The following NCAPD3 variants were observed in gnomAD, a reference collection of about 807,000 sequenced individuals.
The protein encoded by NCAPD3 is non-SMC condensin II complex subunit D3.
A neutral mutation model predicts 182.9 loss-of-function variants in NCAPD3; 105 were observed. The ratio of observed to expected loss-of-function variants is 0.57; its 90% CI spans 0.49 to 0.68. The LOEUF (loss-of-function observed/expected upper bound fraction) is 0.68. Ranked by LOEUF, NCAPD3 falls within the 30% of genes least tolerant of loss-of-function variation. The pLI is 0.00. For missense variants in NCAPD3, 1,944 were observed against 1,837.0 expected, an observed-to-expected ratio of 1.06 and a Z score of -1.07; for synonymous variants, 815 against 679.9, an observed-to-expected ratio of 1.20 and a Z score of -3.09.
intron 19 of NCAPD3, chr11:134,183,014 T>C: frequency 2.2e-6 from 1 of 444,818 alleles, no homozygotes; most frequent in Non-Finnish European, 4.5e-6. Flanking sequence ...GTGTCTAACC[T>C]GAAGACAGTT....
At position 134,210,321 on chromosome 11, in the gene NCAPD3, G is replaced by A. The variant is rs1937786764; in HGVS notation, c.516C>T (p.Asn172=). The change falls in exon 4 of 35, where the codon AAC becomes AAT. Residue 172 remains asparagine (N), a synonymous_variant. Transcript: ENST00000534548. Reference sequence around the variant, plus strand: ...TTCCCCTTTTTCTATGCCTCCCGGGGTTAGCCTGAGAGCTCTTAGGCTGTT... The same window carrying A: ...TTCCCCTTTTTCTATGCCTCCCGGGATTAGCCTGAGAGCTCTTAGGCTGTT... ...KKEQPKSSQA[N]PGRHRKRGKP... The A allele has an allele frequency of 6.2e-7, 1 of 1,613,952 alleles. No individual in the cohort carries two copies. The highest frequency in any genetic ancestry group is 8.5e-7 in the Non-Finnish European group (1 of 1,180,018).
chr11:134,175,378 A>G (rs1944137174), intron 24 of NCAPD3, among the ~76,000 whole-genome samples: 1 of 152,248 alleles, frequency 6.6e-6, no homozygotes, highest in African/African-American at 2.4e-5. Context: ...CTATCTAAAA[A>G]AAGGTGACAG....
upstream of NCAPD3, chr11:134,224,033 A>C (rs1938353840): frequency 3.0e-6 from 4 of 1,347,244 alleles, no homozygotes; most frequent in Non-Finnish European, 4.1e-6. Context: ...AGAATTTCCC[A>C]CTGGCCAACC....
At position 134,185,360 on chromosome 11, in the gene NCAPD3, T is replaced by G; in HGVS notation, c.2212A>C (p.Ile738Leu). Residue 738 changes from isoleucine (I) to leucine (L), a missense_variant, in exon 17 of 35, where the codon ATA becomes CTA. This residue lies in a region of NCAPD3 where 1,803 missense variants were observed against 1,674.6 expected (regional missense o/e 1.08). Coordinates refer to ENST00000534548, the MANE Select transcript of NCAPD3 (RefSeq NM_015261.3). Reference protein sequence around the residue: ...SSPRLDYSRIIQSWEKISSQQ... With the variant: ...SSPRLDYSRILQSWEKISSQQ... The stretch of plus-strand genomic sequence containing the variant: ...CTGCTGATTTTCTCCCAAGATTGTA[T>G]TATTCTGCTGTAGTCCAGCCTGGGT... 2 of 1,609,278 alleles carry G rather than the reference T, an allele frequency of 1.2e-6. No homozygotes were observed. Among genetic ancestry groups the G allele is most frequent in the Non-Finnish European group, 1.7e-6 (2 of 1,178,546 alleles).
intron 29 of NCAPD3, 146 bp from the exon 30 acceptor site, chr11:134,158,641 C>G (rs1383709720): frequency 1.0e-5 from 8 of 790,734 alleles, no homozygotes; most frequent in Non-Finnish European, 5.9e-6. Flanking sequence ...TAATTGGCAT[C>G]TCCATCACCT....
At chr11:134,167,218 G>A (rs1591828943) in intron 27 of NCAPD3, among the ~76,000 whole-genome samples, 1 of 127,124 alleles carries the variant, frequency 7.9e-6, no homozygotes, top group Admixed American at 8.3e-5. Context: ...CAGCACACTC[G>A]TGAGATGAGC....
intron 25 of NCAPD3, among the ~76,000 whole-genome samples, 154 bp downstream of exon 25, chr11:134,168,763 C>G (rs576227821): frequency 8.5e-5 from 13 of 152,284 alleles, no homozygotes; most frequent in Admixed American, 2.0e-4. Flanking sequence ...AAGCGATTCT[C>G]ACGACTGTAT....
At position 134,150,522 on chromosome 11, in the gene NCAPD3, G is replaced by C. The variant is rs1363529442; in HGVS notation, c.*2422C>G. 2 of 152,246 alleles carry C rather than the reference G, an allele frequency of 1.3e-5. No homozygotes were observed. Among genetic ancestry groups the C allele is most frequent in the African/African-American group, 2.4e-5 (1 of 41,466 alleles). The allele number at this position is 152,246 out of a possible 1,614,324, so 9.4% of individuals were successfully genotyped here. ...CGTGGCCCTTGCTTCATCCAGCACA[G>C]CTCTCAGGTGGGCACTGCAGGGACA... On this transcript the variant is annotated 3_prime_UTR_variant, in exon 35 of 35. Transcript: ENST00000534548.
At chr11:134,212,064 C>CA (rs1937853348) in intron 3 of NCAPD3, among the ~76,000 whole-genome samples, 1 of 151,008 alleles carries the variant, frequency 6.6e-6, no homozygotes, top group East Asian at 1.9e-4. Context: ...CACCAAAAAG[C>CA]AAAAAAAAGT....
intron 29 of NCAPD3, among the ~76,000 whole-genome samples, chr11:134,158,708 G>T (rs548293918): frequency 1.4e-4 from 22 of 152,148 alleles, no homozygotes; most frequent in African/African-American, 5.3e-4. Flanking sequence ...TATGTACTTT[G>T]AAATATACAG....
At chr11:134,219,661 TG>T (rs1392429188) in intron 2 of NCAPD3, among the ~76,000 whole-genome samples, 1 of 152,240 alleles carries the variant, frequency 6.6e-6, no homozygotes, top group Non-Finnish European at 1.5e-5. Context: ...CCCAACCCTT[TG>T]GTTTTTTTTG....
At position 134,186,125 on chromosome 11, in the gene NCAPD3, A is replaced by G. The variant is rs1944400989; in HGVS notation, c.2046-599T>C. On this transcript the variant is annotated intron_variant, in intron 16 of 34. Coordinates refer to ENST00000534548, the MANE Select transcript of NCAPD3 (RefSeq NM_015261.3). ...GAGCTAAAATATGCAATAACTTAATACCACTCAGAAATAGATATTTCAAAC... is the reference window on the plus strand; with the variant it reads ...GAGCTAAAATATGCAATAACTTAATGCCACTCAGAAATAGATATTTCAAAC... 1.3e-5 allele frequency: 2 copies of G among 152,222 alleles called. 1 individual carries two copies. The highest frequency in any genetic ancestry group is 4.1e-4 in the South Asian group (2 of 4,830). 9.4% of individuals were successfully genotyped at this position (152,222 alleles called of 1,614,324 possible). A position where few individuals can be genotyped will look rare whatever the true frequency, so the allele number is the denominator to read the frequency against.
intron 32 of NCAPD3, among the ~76,000 whole-genome samples, chr11:134,156,647 C>T (rs766075791): frequency 6.6e-5 from 10 of 152,222 alleles, no homozygotes; most frequent in East Asian, 1.9e-4. Flanking sequence ...GACGTCTGCC[C>T]GCCCTGGGAG....
At chr11:134,161,710 A>G (rs1289151064) in intron 28 of NCAPD3, 71 bp downstream of exon 28, 4 of 928,688 alleles carry the variant, frequency 4.3e-6, no homozygotes, top group Admixed American at 4.6e-5. Flanking sequence ...CTGCACTGTC[A>G]TAACTGGCAG....
At chr11:134,168,828 C>G in intron 25 of NCAPD3, 89 bp downstream of exon 25, 3 of 1,495,822 alleles carry the variant, frequency 2.0e-6, no homozygotes, top group Non-Finnish European at 2.7e-6. Flanking sequence ...GGTCTGCGTC[C>G]AATCACTACA....
Position 134,153,067 on chromosome 11 carries a change from T to A in NCAPD3, c.4389-15A>T. ...GCTGTGGGGGCCTAGGGAAAGGACA[T>A]GTGCAGTCATTCTGGAACTCAGAAA... On this transcript the variant is annotated splice_polypyrimidine_tract_variant and intron_variant, in intron 34 of 34. Coordinates refer to ENST00000534548, the MANE Select transcript of NCAPD3 (RefSeq NM_015261.3). The A allele has an allele frequency of 6.2e-7, 1 of 1,610,188 alleles. No individual in the cohort carries two copies. Among genetic ancestry groups the A allele is most frequent in the Non-Finnish European group, 8.5e-7 (1 of 1,177,032 alleles).
Position 134,206,681 on chromosome 11 carries a change from C to T in NCAPD3, c.934G>A (p.Val312Ile). ...QMLSVILMLE[V>I]GEGSHRAPLA... Reference sequence around the variant, plus strand: ...GGGGCACGATGGGATCCTTCACCAACTTCTAACATTAATATTACACTGAGC... The same window carrying T: ...GGGGCACGATGGGATCCTTCACCAATTTCTAACATTAATATTACACTGAGC... The change falls in exon 8 of 35, where the codon GTT becomes ATT. Residue 312 changes from valine (V) to isoleucine (I), a missense_variant. Val to Ile is a conservative substitution (Grantham distance 29). Around this residue, in one of 3 missense-constraint regions of NCAPD3, gnomAD observed 1,803 missense variants for 1,674.6 expected, o/e 1.08. Transcript: ENST00000534548. 4 of 1,613,458 alleles carry T rather than the reference C, an allele frequency of 2.5e-6. No individual in the cohort carries two copies. Among genetic ancestry groups the T allele is most frequent in the Non-Finnish European group, 3.4e-6 (4 of 1,179,606 alleles).
Position 134,151,039 on chromosome 11 carries a change from C to T in NCAPD3, c.*1905G>A, listed in dbSNP as rs1395067474. ...CTTCAAGAGCAGGTGTTCTCAGCCTCACATGCCCTGCCGTGCTGGACTCAG... is the reference window on the plus strand; with the variant it reads ...CTTCAAGAGCAGGTGTTCTCAGCCTTACATGCCCTGCCGTGCTGGACTCAG... On this transcript the variant is annotated 3_prime_UTR_variant, in exon 35 of 35. Transcript: ENST00000534548. The T allele has an allele frequency of 6.6e-6, 1 of 152,292 alleles. No individual in the cohort carries two copies. Among genetic ancestry groups the T allele is most frequent in the East Asian group, 1.9e-4 (1 of 5,204 alleles). The allele number at this position is 152,292 out of a possible 1,614,324, so 9.4% of individuals were successfully genotyped here.
intron 28 of NCAPD3, among the ~76,000 whole-genome samples, chr11:134,160,481 C>T (rs907310651): frequency 6.6e-6 from 1 of 152,128 alleles, no homozygotes; most frequent in African/African-American, 2.4e-5. Context: ...GCCTCTGGAG[C>T]AAGTCCCAGG....
Sources: allele counts gnomAD v4.1 joint callset (sites outside exome capture counted in the v4.1 genomes callset), GRCh38; gene constraint gnomAD v4.1.1; regional missense constraint gnomAD v4.1.1; transcripts MANE v1.5; gene names NCBI Gene and HGNC (gene_info 2026-07-23, HGNC 2026-07-21).